The following LAMA4 variants were observed in gnomAD, a reference collection of about 807,000 sequenced individuals.
The protein encoded by LAMA4 is laminin subunit alpha 4.
Under a neutral mutation model 207.1 loss-of-function variants are expected in LAMA4, and 127 were observed. That is an observed-to-expected ratio of 0.61 (90% CI 0.53 to 0.71). The LOEUF (loss-of-function observed/expected upper bound fraction) is 0.71. Among genes scored for constraint, LAMA4 ranks in the 30% least tolerant of loss-of-function variants. The probability of loss-of-function intolerance (pLI) is 0.00; values close to 1 mark genes in which losing one functional copy is unlikely to be tolerated. For synonymous variants in LAMA4, 761 were observed against 816.0 expected (o/e 0.93, Z 1.15); for missense variants, 2,093 against 2,246.5 (o/e 0.93, Z 1.38).
At chr6:112,254,846 G>C (rs1787752728), upstream of LAMA4, 1 of 152,478 alleles carries the variant, frequency 6.6e-6, no homozygotes. Context: ...GGGATTCCAG[G>C]GCAGGAACCA....
chr6:112,140,732 T>G, intron 22 of LAMA4, 28 bp downstream of exon 22: 1 of 1,605,224 alleles, frequency 6.2e-7, no homozygotes, highest in Non-Finnish European at 8.5e-7. Flanking sequence ...AGATTTGTAA[T>G]AGGTCAAAAT....
intron 31 of LAMA4, among the ~76,000 whole-genome samples, chr6:112,128,097 A>T (rs2114630469): frequency 1.3e-5 from 2 of 152,302 alleles, no homozygotes; most frequent in African/African-American, 4.8e-5. Flanking sequence ...CATGATTGTG[A>T]CAAAAGCCTA....
chr6:112,194,552 T>C (rs1054731312), intron 5 of LAMA4, among the ~76,000 whole-genome samples: 1 of 152,134 alleles, frequency 6.6e-6, no homozygotes, highest in African/African-American at 2.4e-5. Flanking sequence ...CATACAAAAG[T>C]TTACTTATGA....
chr6:112,150,202 G>GACACACACACACAC (rs68144829), intron 17 of LAMA4, among the ~76,000 whole-genome samples: 24 of 143,440 alleles, frequency 1.7e-4, no homozygotes, highest in East Asian at 4.2e-4. Flanking sequence ...CCCATTAAAA[G>GACACACACACACAC]ACACACACAC....
At chr6:112,248,498 C>A (rs1462343611) in intron 2 of LAMA4, among the ~76,000 whole-genome samples, 4,060 of 101,556 alleles carry the variant, frequency 0.04, no homozygotes, top group Admixed American at 0.055. Context: ...GACTCTGTCT[C>A]AAAAAAAAAA....
At chr6:112,170,804 T>C (rs1781665364) in intron 12 of LAMA4, among the ~76,000 whole-genome samples, 1 of 152,186 alleles carries the variant, frequency 6.6e-6, no homozygotes, top group Non-Finnish European at 1.5e-5. Context: ...GTGCAAGACA[T>C]GTTACAGGAT....
At position 112,108,647 on chromosome 6, in the gene LAMA4, T is replaced by TTAG. The variant is rs1383924980; in HGVS notation, c.*789_*790insCTA. On this transcript the variant is annotated 3_prime_UTR_variant, in exon 39 of 39. Transcript: ENST00000230538. ...AGGAGCAAACTTTTAATAAAAGGAC[T>TTAG]TGTGTACTCTTAAATTGAATTTTAT... 5.3e-4 allele frequency: 80 copies of TTAG among 152,320 alleles called. No individual in the cohort carries two copies. Among genetic ancestry groups the TTAG allele is most frequent in the African/African-American group, 1.8e-3 (75 of 41,570 alleles). The allele number at this position is 152,320 out of a possible 1,614,324, so 9.4% of individuals were successfully genotyped here. A position where few individuals can be genotyped will look rare whatever the true frequency, so the allele number is the denominator to read the frequency against.
intron 2 of LAMA4, among the ~76,000 whole-genome samples, chr6:112,245,789 C>T (rs2114415543): frequency 6.6e-6 from 1 of 152,172 alleles, no homozygotes; most frequent in African/African-American, 2.4e-5. Context: ...CTAGCCTCCA[C>T]CAAAACACAA....
intron 38 of LAMA4, among the ~76,000 whole-genome samples, chr6:112,112,973 T>C (rs1777791888): frequency 6.6e-6 from 1 of 151,956 alleles, no homozygotes; most frequent in African/African-American, 2.4e-5. Flanking sequence ...GTAAATCTCA[T>C]GGAGAGAGGT....
chr6:112,227,238 T>C (rs1785272261), intron 2 of LAMA4, among the ~76,000 whole-genome samples: 2 of 151,936 alleles, frequency 1.3e-5, no homozygotes, highest in Non-Finnish European at 2.9e-5. Context: ...GCCAGGCTAA[T>C]TTTTGTATTT....
intron 2 of LAMA4, among the ~76,000 whole-genome samples, chr6:112,247,368 C>T (rs1787031478): frequency 6.6e-6 from 1 of 152,158 alleles, no homozygotes; most frequent in Non-Finnish European, 1.5e-5. Context: ...GAAAGGTGAA[C>T]TTCAAAATAT....
intron 10 of LAMA4, among the ~76,000 whole-genome samples, chr6:112,176,438 C>T (rs1305890126): frequency 5.3e-5 from 8 of 152,124 alleles, no homozygotes; most frequent in African/African-American, 1.7e-4. Flanking sequence ...ACATTGGTGT[C>T]ACATAAATCA....
chr6:112,142,386 C>T (rs1198863727), intron 19 of LAMA4, 94 bp from the exon 20 acceptor site: 9 of 1,051,826 alleles, frequency 8.6e-6, no homozygotes, highest in African/African-American at 1.6e-5. Flanking sequence ...GGCCTATAAA[C>T]TCTCTTCACC....
intron 2 of LAMA4, among the ~76,000 whole-genome samples, chr6:112,217,363 C>T (rs1212180325): frequency 3.9e-5 from 6 of 152,076 alleles, no homozygotes; most frequent in Admixed American, 1.3e-4. Context: ...CCTGGAAATC[C>T]GCTCCCCGCC....
chr6:112,120,203 G>A, intron 33 of LAMA4, 80 bp downstream of exon 33: 1 of 1,122,562 alleles, frequency 8.9e-7, no homozygotes, highest in Non-Finnish European at 1.3e-6. Flanking sequence ...TATTTCTAGA[G>A]AGAGTAATGG....
chr6:112,172,948 C>T, intron 11 of LAMA4, 144 bp from the exon 12 acceptor site: 2 of 676,796 alleles, frequency 3.0e-6, no homozygotes, highest in Non-Finnish European at 5.3e-6. Context: ...AAATTAGCTC[C>T]ACCTTTTAGA....
At chr6:112,133,107 T>C (rs1180000364) in intron 27 of LAMA4, among the ~76,000 whole-genome samples, 1 of 152,182 alleles carries the variant, frequency 6.6e-6, no homozygotes, top group African/African-American at 2.4e-5. Flanking sequence ...TGAACAATGA[T>C]GCTAGCACAC....
At chr6:112,202,768 C>G (rs1353200803) in intron 4 of LAMA4, among the ~76,000 whole-genome samples, 1 of 152,148 alleles carries the variant, frequency 6.6e-6, no homozygotes, top group East Asian at 1.9e-4. Context: ...GTTCTGATTT[C>G]TTAGCCTACT....
intron 4 of LAMA4, among the ~76,000 whole-genome samples, chr6:112,206,349 A>G (rs1784057594): frequency 6.6e-6 from 1 of 152,200 alleles, no homozygotes; most frequent in Non-Finnish European, 1.5e-5. Flanking sequence ...GGTGTCAGAG[A>G]GTTGGTCATT....
Sources: gnomAD v4.1 joint callset for allele counts (sites outside exome capture counted in the v4.1 genomes callset) on GRCh38, gnomAD v4.1.1 for gene constraint, MANE v1.5 for transcripts, NCBI Gene and HGNC (gene_info 2026-07-23, HGNC 2026-07-21) for gene names.